The following RAB3C variants were observed in gnomAD, a reference collection of about 807,000 sequenced individuals.
The protein encoded by RAB3C is ras-related protein Rab-3C.
Under a neutral mutation model 26.4 loss-of-function variants are expected in RAB3C, and 17 were observed. That is an observed-to-expected ratio of 0.64 (90% confidence interval 0.44 to 0.97). The LOEUF (loss-of-function observed/expected upper bound fraction) is 0.97. Among genes scored for constraint, RAB3C ranks in the 50% least tolerant of loss-of-function variants. RAB3C has a pLI of 0.00. For missense variants in RAB3C, 242 were observed against 281.9 expected, an observed-to-expected ratio of 0.86 and a Z score of 1.01; for synonymous variants, 91 against 95.9, an observed-to-expected ratio of 0.95 and a Z score of 0.30.
At chr5:58,723,094 T>C (rs1261568044) in intron 2 of RAB3C, among the ~76,000 whole-genome samples, 1 of 151,800 alleles carries the variant, frequency 6.6e-6, no homozygotes, top group Non-Finnish European at 1.5e-5. Flanking sequence ...CTTTGGTCTC[T>C]CTGGTCTAAT....
chr5:58,762,854 A>G (rs950769800), intron 3 of RAB3C, among the ~76,000 whole-genome samples: 11 of 152,190 alleles, frequency 7.2e-5, no homozygotes. Context: ...TTCCTAAAAG[A>G]TAATTTTCGG....
intron 4 of RAB3C, among the ~76,000 whole-genome samples, chr5:58,847,920 G>A (rs1037722557): frequency 2.6e-4 from 40 of 152,074 alleles, no homozygotes; most frequent in African/African-American, 8.2e-4. Flanking sequence ...CCAGTGGTGC[G>A]ATCTCAGCTC....
At chr5:58,773,001 C>A (rs1184507706) in intron 3 of RAB3C, among the ~76,000 whole-genome samples, 1 of 152,140 alleles carries the variant, frequency 6.6e-6, no homozygotes, top group African/African-American at 2.4e-5. Flanking sequence ...CATCGTCTGA[C>A]CAACCTGACC....
rs915391263 is a variant in RAB3C, at chr5:58,703,472, G to A, written c.253-22530G>A. Among the ~76,000 whole-genome samples the A allele has an allele frequency of 5.3e-5, 8 of 152,280 alleles. No homozygotes were observed. In the South Asian group the frequency reaches 1.2e-3, roughly 24 times the overall value. ...GCTGGAATTACAGGCATGAGCCACC[G>A]CGTCTGGCCATGTTTATTCTTTTGT... On this transcript the variant is annotated intron_variant, in intron 2 of 4. Coordinates refer to ENST00000282878, the MANE Select transcript of RAB3C (RefSeq NM_138453.4).
At chr5:58,829,772 C>T (rs572080317) in intron 4 of RAB3C, among the ~76,000 whole-genome samples, 13 of 152,248 alleles carry the variant, frequency 8.5e-5, no homozygotes, top group South Asian at 6.2e-4. Context: ...TCCCCTGTAC[C>T]CTTCCTTCTT....
At chr5:58,694,942 C>A (rs967423960) in intron 2 of RAB3C, among the ~76,000 whole-genome samples, 1 of 152,086 alleles carries the variant, frequency 6.6e-6, no homozygotes, top group Admixed American at 6.5e-5. Context: ...TAATTAGATC[C>A]CATTTGTCTG....
rs1414720021 is a variant in RAB3C at position 58,797,354 on chromosome 5, ATATGTATATATATAATATATATAT to A, written c.372-27683_372-27660del. Among the ~76,000 whole-genome samples, 248 of 58,234 alleles carry A rather than the reference ATATGTATATATATAATATATATAT, an allele frequency of 4.3e-3. 19 individuals carry two copies. The Middle Eastern group carries it at 0.054, about 13-fold the overall frequency. 38.2% of individuals were successfully genotyped at this position (58,234 alleles called of 152,430 possible). ...CCCTGGAAGACAAAAAAAAAAAAAA[ATATGTATATATATAATATATATAT>A]ATATATATATATATATATACACAGA... On this transcript the variant is annotated intron_variant, in intron 3 of 4. Transcript: ENST00000282878.
chr5:58,729,606 T>C (rs1740963460), intron 3 of RAB3C, among the ~76,000 whole-genome samples: 1 of 149,792 alleles, frequency 6.7e-6, no homozygotes, highest in Non-Finnish European at 1.5e-5. Context: ...TTTTATTATA[T>C]GTAATAAAAT....
intron 3 of RAB3C, among the ~76,000 whole-genome samples, chr5:58,794,921 C>T (rs1452624179): frequency 6.6e-6 from 1 of 152,208 alleles, no homozygotes; most frequent in Non-Finnish European, 1.5e-5. Context: ...CTAACAAGCA[C>T]CAGGTGAACC....
At chr5:58,612,225 G>A (rs1274185296) in intron 1 of RAB3C, among the ~76,000 whole-genome samples, 5 of 151,494 alleles carry the variant, frequency 3.3e-5, no homozygotes, top group African/African-American at 1.2e-4. Context: ...GCTCTTTTTT[G>A]GTTCAATATG....
chr5:58,706,631 C>A (rs893264960), intron 2 of RAB3C, among the ~76,000 whole-genome samples: 1 of 152,144 alleles, frequency 6.6e-6, no homozygotes, highest in Non-Finnish European at 1.5e-5. Flanking sequence ...TCCAATACCT[C>A]ATTTTTGCAA....
chr5:58,852,118 T>C lies in RAB3C; in HGVS notation c.*767T>C, dbSNP rs2112092401. 6.6e-6 allele frequency: 1 copy of C among 152,292 alleles called. No individual in the cohort carries two copies. Among genetic ancestry groups the C allele is most frequent in the Admixed American group, 6.5e-5 (1 of 15,290 alleles). The allele number at this position is 152,292 out of a possible 1,614,324, so 9.4% of individuals were successfully genotyped here. On this transcript the variant is annotated 3_prime_UTR_variant, in exon 5 of 5. Coordinates refer to ENST00000282878, the MANE Select transcript of RAB3C (RefSeq NM_138453.4). ...CCAATTCTGTGAATATTCAACATCA[T>C]TGAACAGATTGAGACATATCTACTG...
intron 3 of RAB3C, among the ~76,000 whole-genome samples, chr5:58,757,922 G>A (rs199938943): frequency 3.7e-4 from 23 of 62,006 alleles, no homozygotes; most frequent in African/African-American, 9.8e-4. Flanking sequence ...ATTTGTTTTT[G>A]TTGTTGTTGT....
At chr5:58,631,065 T>C (rs1272181489) in intron 2 of RAB3C, among the ~76,000 whole-genome samples, 1 of 152,168 alleles carries the variant, frequency 6.6e-6, no homozygotes, top group Non-Finnish European at 1.5e-5. Context: ...TTCAGCAGTA[T>C]CTGAGTGAGA....
At chr5:58,660,446 T>C (rs1579843591) in intron 2 of RAB3C, among the ~76,000 whole-genome samples, 1 of 150,146 alleles carries the variant, frequency 6.7e-6, no homozygotes, top group Non-Finnish European at 1.5e-5. Flanking sequence ...ACGACGTAAA[T>C]AGACTTGCAA....
chr5:58,607,298 GAAGAA>G (rs1244490037), intron 1 of RAB3C, among the ~76,000 whole-genome samples: 79 of 152,228 alleles, frequency 5.2e-4, no homozygotes, highest in Non-Finnish European at 1.5e-4. Context: ...CGATCAAGTG[GAAGAA>G]AGGATATCAG....
At chr5:58,682,793 C>T (rs1420602887) in intron 2 of RAB3C, among the ~76,000 whole-genome samples, 1 of 151,870 alleles carries the variant, frequency 6.6e-6, no homozygotes, top group Admixed American at 6.6e-5. Flanking sequence ...ATTTAAATGA[C>T]TGAGAGCATC....
intron 2 of RAB3C, among the ~76,000 whole-genome samples, chr5:58,675,615 CTTTTTTTTT>C (rs1195191076): frequency 1.1e-5 from 1 of 89,402 alleles, no homozygotes; most frequent in Non-Finnish European, 2.4e-5. Context: ...GGCCATTTGT[CTTTTTTTTT>C]TTTTTTTTTT....
Position 58,856,867 on chromosome 5 carries a change from A to T in RAB3C, c.*5516A>T, listed in dbSNP as rs993296984. ...GTATCAATATGATGGCTTTCCATGC[A>T]TTGTCTCATTATCCCTAGGATACGT... On this transcript the variant is annotated 3_prime_UTR_variant, in exon 5 of 5. Coordinates refer to ENST00000282878, the MANE Select transcript of RAB3C (RefSeq NM_138453.4). 6.6e-6 allele frequency: 1 copy of T among 152,164 alleles called. No individual in the cohort carries two copies. Among genetic ancestry groups the T allele is most frequent in the Non-Finnish European group, 1.5e-5 (1 of 68,030 alleles). The allele number at this position is 152,164 out of a possible 1,614,324, so 9.4% of individuals were successfully genotyped here.
Sources: gnomAD v4.1 joint callset for allele counts (sites outside exome capture counted in the v4.1 genomes callset) on GRCh38, gnomAD v4.1.1 for gene constraint, MANE v1.5 for transcripts, NCBI Gene and HGNC (gene_info 2026-07-23, HGNC 2026-07-21) for gene names.